The following SBF2 variants were observed in gnomAD, a reference collection of about 807,000 sequenced individuals.
The protein encoded by SBF2 is myotubularin-related protein 13.
In SBF2, 112 loss-of-function variants were observed where a neutral mutation model predicts 225.2. That is an observed-to-expected ratio of 0.50 (90% CI 0.43 to 0.58). The LOEUF (loss-of-function observed/expected upper bound fraction) is 0.58, where lower values mean the gene tolerates loss of function less well. Among genes scored for constraint, SBF2 ranks in the 20% least tolerant of loss-of-function variants. The pLI, the probability that SBF2 is intolerant of heterozygous loss-of-function variation, is 0.00. For missense variants in SBF2, 1,996 were observed against 2,206.2 expected (o/e 0.90, Z 1.91); for synonymous variants, 763 against 773.3 (o/e 0.99, Z 0.22).
chr11:10,116,183 G>GA (rs1455443610), intron 2 of SBF2, among the ~76,000 whole-genome samples: 10 of 151,950 alleles, frequency 6.6e-5, no homozygotes, highest in Admixed American at 3.3e-4. Context: ...AGAAAAAAAG[G>GA]AAAAAAAATA....
In SBF2 at chr11:9,832,432, T is replaced by G; in HGVS notation, c.3456-12A>C. On this transcript the variant is annotated splice_polypyrimidine_tract_variant and intron_variant, in intron 26 of 39. Transcript: ENST00000256190. ...AAAGGCCAGGATAGCTTCAGAGACA[T>G]AGAATAGAGAAGAGAATGATTGGGG... 1 of 1,598,840 alleles carries G rather than the reference T, an allele frequency of 6.3e-7. No individual in the cohort carries two copies. Among genetic ancestry groups the G allele is most frequent in the Non-Finnish European group, 8.6e-7 (1 of 1,167,060 alleles).
chr11:10,187,329 C>T (rs372892014), intron 2 of SBF2, among the ~76,000 whole-genome samples: 1 of 151,664 alleles, frequency 6.6e-6, no homozygotes, highest in South Asian at 2.1e-4. Context: ...TCTCTCCCTG[C>T]GTCCCCTCTC....
chr11:9,836,189 C>T (rs1473144071), intron 26 of SBF2, among the ~76,000 whole-genome samples: 1 of 152,060 alleles, frequency 6.6e-6, no homozygotes, highest in Admixed American at 6.5e-5. Context: ...TTTCCCTATA[C>T]CTCAAGGTCA....
At chr11:10,027,749 C>T (rs1276178068) in intron 6 of SBF2, among the ~76,000 whole-genome samples, 1 of 152,158 alleles carries the variant, frequency 6.6e-6, no homozygotes, top group East Asian at 1.9e-4. Flanking sequence ...GTACAGTGGA[C>T]ACTTTCTAGA....
chr11:10,097,764 T>C (rs906543923), intron 2 of SBF2, among the ~76,000 whole-genome samples: 4 of 152,046 alleles, frequency 2.6e-5, no homozygotes, highest in African/African-American at 9.7e-5. Flanking sequence ...TATTTCTTCA[T>C]CCCTCCCCTA....
chr11:10,014,248 T>C (rs908043241), intron 6 of SBF2, among the ~76,000 whole-genome samples: 1 of 152,182 alleles, frequency 6.6e-6, no homozygotes, highest in Non-Finnish European at 1.5e-5. Context: ...CTAGGAAATA[T>C]ATGCATGTAC....
At chr11:10,236,112 A>C (rs949579158) in intron 1 of SBF2, among the ~76,000 whole-genome samples, 1 of 152,242 alleles carries the variant, frequency 6.6e-6, no homozygotes, top group South Asian at 2.1e-4. Context: ...ATATAACCAG[A>C]AAGTACAAAT....
intron 2 of SBF2, among the ~76,000 whole-genome samples, chr11:10,066,096 G>C (rs73410889): frequency 1.3e-5 from 2 of 151,890 alleles, no homozygotes; most frequent in African/African-American, 2.4e-5. Context: ...AAACCCTACA[G>C]TTCCAGATGG....
At chr11:10,243,674 A>G (rs183115512) in intron 1 of SBF2, among the ~76,000 whole-genome samples, 133 of 152,256 alleles carry the variant, frequency 8.7e-4, no homozygotes, top group African/African-American at 3.0e-3. Context: ...GATTGTGTAC[A>G]ATTATATGCC....
chr11:10,215,103 C>T (rs375324196), intron 1 of SBF2, among the ~76,000 whole-genome samples: 1 of 152,156 alleles, frequency 6.6e-6, no homozygotes. Context: ...GACAAGGCTG[C>T]CCCACAAACT....
chr11:10,157,476 C>T (rs1170505222), intron 2 of SBF2, among the ~76,000 whole-genome samples: 1 of 152,110 alleles, frequency 6.6e-6, no homozygotes, highest in African/African-American at 2.4e-5. Flanking sequence ...ACAAAGTAAA[C>T]AGAAAACCTA....
At chr11:10,099,428 A>G (rs1332271160) in intron 2 of SBF2, among the ~76,000 whole-genome samples, 3 of 152,222 alleles carry the variant, frequency 2.0e-5, no homozygotes, top group Non-Finnish European at 4.4e-5. Context: ...GAGTTCAAAA[A>G]CAGTAAACCT....
intron 2 of SBF2, among the ~76,000 whole-genome samples, chr11:10,068,887 G>A (rs1250836789): frequency 1.3e-5 from 2 of 151,910 alleles, no homozygotes; most frequent in Non-Finnish European, 2.9e-5. Context: ...TATTTTTATT[G>A]CCGAAAGCCC....
At chr11:9,858,589 G>C (rs994575747) in intron 17 of SBF2, among the ~76,000 whole-genome samples, 193 bp from the exon 18 acceptor site, 12 of 152,128 alleles carry the variant, frequency 7.9e-5, no homozygotes, top group Admixed American at 3.3e-4. Context: ...TTGGATCCTT[G>C]AGAGTCTCAG....
chr11:9,870,930 C>T (rs966010007), intron 17 of SBF2, among the ~76,000 whole-genome samples: 75 of 149,530 alleles, frequency 5.0e-4, no homozygotes, highest in Admixed American at 1.1e-3. Context: ...GCCGAGATCA[C>T]GCCACTGCAC....
chr11:10,175,200 A>G (rs1213443226), intron 2 of SBF2, among the ~76,000 whole-genome samples: 1 of 151,488 alleles, frequency 6.6e-6, no homozygotes, highest in East Asian at 1.9e-4. Context: ...TGCTCCAATT[A>G]AAAGACACAG....
chr11:9,990,244 G>A (rs939068003), intron 12 of SBF2, among the ~76,000 whole-genome samples: 9 of 152,132 alleles, frequency 5.9e-5, no homozygotes, highest in Admixed American at 5.2e-4. Context: ...ATTCTTCTAG[G>A]AACTAATAGA....
At chr11:9,853,115 C>T (rs1857077107) in intron 20 of SBF2, among the ~76,000 whole-genome samples, 1 of 152,134 alleles carries the variant, frequency 6.6e-6, no homozygotes, top group Non-Finnish European at 1.5e-5. Context: ...ACGTATGAAC[C>T]TTGAAAACAT....
chr11:9,870,681 C>T (rs1356870705), intron 17 of SBF2, among the ~76,000 whole-genome samples: 3 of 151,904 alleles, frequency 2.0e-5, no homozygotes, highest in Non-Finnish European at 1.5e-5. Context: ...ACACCTTATA[C>T]AAAAATTAAC....
Sources: gnomAD v4.1 joint callset for allele counts (sites outside exome capture counted in the v4.1 genomes callset) on GRCh38, gnomAD v4.1.1 for gene constraint, MANE v1.5 for transcripts, NCBI Gene and HGNC (gene_info 2026-07-23, HGNC 2026-07-21) for gene names.